OPCML: variants seen among roughly 807,000 people sequenced by gnomAD.
OPCML encodes opioid binding protein/cell adhesion molecule like.
In OPCML, 13 loss-of-function variants were observed where a neutral mutation model predicts 37.8. The ratio of observed to expected loss-of-function variants is 0.34; its 90% CI spans 0.22 to 0.55. OPCML has a LOEUF of 0.55. OPCML is among the 20% of genes least tolerant of loss of function. The pLI, the probability that OPCML is intolerant of heterozygous loss-of-function variation, is 0.91. For missense variants in OPCML, 341 were observed against 435.6 expected (o/e 0.78, Z 1.93); for synonymous variants, 176 against 168.8 (o/e 1.04, Z -0.33).
intron 4 of OPCML, among the ~76,000 whole-genome samples, chr11:132,496,597 T>C (rs907145777): frequency 2.6e-5 from 4 of 152,212 alleles, no homozygotes; most frequent in Admixed American, 2.6e-4. Flanking sequence ...CAAGGAGCTC[T>C]GAAATCTGAT....
chr11:132,471,791 C>T (rs1235036226), intron 4 of OPCML, among the ~76,000 whole-genome samples: 2 of 152,176 alleles, frequency 1.3e-5, no homozygotes, highest in South Asian at 2.1e-4. Context: ...AGGATAGCCA[C>T]GGACCTAGCT....
chr11:132,428,410 C>T (rs1414344118), intron 7 of OPCML, among the ~76,000 whole-genome samples: 1 of 152,206 alleles, frequency 6.6e-6, no homozygotes, highest in Non-Finnish European at 1.5e-5. Context: ...TATAGTGTTA[C>T]ATCTTCTAAG....
At chr11:133,221,106 T>C (rs1939799425) in intron 1 of OPCML, among the ~76,000 whole-genome samples, 2 of 152,236 alleles carry the variant, frequency 1.3e-5, no homozygotes, top group African/African-American at 4.8e-5. Context: ...GCTCTCTCTT[T>C]ATATGACACA....
intron 2 of OPCML, among the ~76,000 whole-genome samples, chr11:132,699,679 C>T (rs1238955737): frequency 1.3e-5 from 2 of 152,042 alleles, no homozygotes; most frequent in Non-Finnish European, 2.9e-5. Context: ...ACCATCCTTG[C>T]ATGTTAGGAA....
At chr11:133,238,857 C>A (rs1458794940) in intron 1 of OPCML, among the ~76,000 whole-genome samples, 1 of 152,212 alleles carries the variant, frequency 6.6e-6, no homozygotes, top group Non-Finnish European at 1.5e-5. Flanking sequence ...GATAATAGCC[C>A]ACTGTACTTC....
chr11:133,448,631 T>A (rs1195331333), intron 1 of OPCML, among the ~76,000 whole-genome samples: 1 of 152,196 alleles, frequency 6.6e-6, no homozygotes, highest in Non-Finnish European at 1.5e-5. Context: ...CTAATTATTA[T>A]ATTTTTAGTA....
intron 1 of OPCML, among the ~76,000 whole-genome samples, chr11:133,014,834 C>T (rs1947289940): frequency 6.6e-6 from 1 of 152,228 alleles, no homozygotes; most frequent in Non-Finnish European, 1.5e-5. Context: ...AGCCCTCTCT[C>T]TCTTCTCCAA....
At chr11:133,378,905 C>T (rs1314745283) in intron 1 of OPCML, among the ~76,000 whole-genome samples, 1 of 151,870 alleles carries the variant, frequency 6.6e-6, no homozygotes, top group African/African-American at 2.4e-5. Context: ...TCATGCCCAT[C>T]TAAATTTTTA....
rs190877558 is a variant in OPCML at position 132,447,163 on chromosome 11, C to T, written c.506-9804G>A. Among the ~76,000 whole-genome samples, 152 of 152,298 alleles carry T rather than the reference C, an allele frequency of 1.0e-3. 1 individual carries two copies. Among genetic ancestry groups the T allele is most frequent in the African/African-American group, 3.4e-3 (142 of 41,562 alleles). ...AAAACTTTCCTTCTAATGCCAACTG[C>T]GTCTGACTTGTTTTCCCTGAGGATT... On this transcript the variant is annotated intron_variant, in intron 4 of 7. Coordinates refer to ENST00000524381, the MANE Select transcript of OPCML (RefSeq NM_001012393.5).
chr11:132,995,001 G>C (rs1946855600), intron 1 of OPCML, among the ~76,000 whole-genome samples: 1 of 152,208 alleles, frequency 6.6e-6, no homozygotes, highest in Non-Finnish European at 1.5e-5. Context: ...CACATGGTTG[G>C]TAAATAGCTG....
At chr11:133,311,924 G>T (rs768937060) in intron 1 of OPCML, among the ~76,000 whole-genome samples, 36 of 152,092 alleles carry the variant, frequency 2.4e-4, no homozygotes, top group Non-Finnish European at 4.9e-4. Context: ...CAGAGTAGGG[G>T]AGATATGGAA....
rs1021330977 is a variant in OPCML at position 132,419,244 on chromosome 11, T to C, written c.*949A>G. On this transcript the variant is annotated 3_prime_UTR_variant, in exon 8 of 8. Transcript: ENST00000524381. The stretch of plus-strand genomic sequence containing the variant: ...TTGATAGTGAGTAGTAGGGAGAGAA[T>C]AGAAAGGAGTGTTAGACAATTACAT... The C allele has an allele frequency of 6.6e-6, 1 of 152,122 alleles. No individual in the cohort carries two copies. The highest frequency in any genetic ancestry group is 6.5e-5 in the Admixed American group (1 of 15,278). 9.4% of individuals were successfully genotyped at this position (152,122 alleles called of 1,614,324 possible). A position where few individuals can be genotyped will look rare whatever the true frequency, so the allele number is the denominator to read the frequency against.
rs1565469151 is a variant in OPCML, at chr11:133,141,041, ACG to A, written c.62-198033_62-198032del. Among the ~76,000 whole-genome samples the A allele has an allele frequency of 3.3e-4, 11 of 33,768 alleles. 2 individuals are homozygous for A. Among genetic ancestry groups the A allele is most frequent in the Non-Finnish European group, 3.8e-4 (4 of 10,588 alleles). 22.2% of individuals were successfully genotyped at this position (33,768 alleles called of 152,430 possible). On this transcript the variant is annotated intron_variant, in intron 1 of 7. Transcript: ENST00000524381. ...GACGACGACGACGACGACGACGACG[ACG>A]ACGACGAAGAAGAAGAAGAAGAAGA... is the stretch of plus-strand genomic sequence containing the variant.
At chr11:133,081,463 G>A (rs931781430) in intron 1 of OPCML, among the ~76,000 whole-genome samples, 15 of 152,182 alleles carry the variant, frequency 9.9e-5, no homozygotes, top group African/African-American at 3.6e-4. Context: ...AATATGTAAG[G>A]AATTCGCAAG....
At chr11:133,414,156 C>A (rs1023942022) in intron 1 of OPCML, among the ~76,000 whole-genome samples, 1 of 152,104 alleles carries the variant, frequency 6.6e-6, no homozygotes, top group Non-Finnish European at 1.5e-5. Context: ...TGGGCATGGG[C>A]GCTGGAACGA....
chr11:133,059,291 T>A (rs1168758669), intron 1 of OPCML, among the ~76,000 whole-genome samples: 3 of 152,226 alleles, frequency 2.0e-5, no homozygotes, highest in African/African-American at 4.8e-5. Context: ...GCGGATTCTT[T>A]CATCTGGTGG....
chr11:133,437,103 T>G (rs1471804488), intron 1 of OPCML, among the ~76,000 whole-genome samples: 1 of 152,240 alleles, frequency 6.6e-6, no homozygotes, highest in South Asian at 2.1e-4. Context: ...CTATCTAATT[T>G]ATACGACATC....
intron 2 of OPCML, among the ~76,000 whole-genome samples, chr11:132,702,472 T>C (rs1186488427): frequency 6.6e-6 from 1 of 152,234 alleles, no homozygotes; most frequent in African/African-American, 2.4e-5. Flanking sequence ...CACTTTTCTC[T>C]TGCTGCATTT....
intron 2 of OPCML, among the ~76,000 whole-genome samples, chr11:132,657,666 A>C (rs1941774555): frequency 6.6e-6 from 1 of 152,174 alleles, no homozygotes; most frequent in African/African-American, 2.4e-5. Context: ...GAAGTGGCCC[A>C]GGGGCACATG....
Sources: allele counts gnomAD v4.1 joint callset (sites outside exome capture counted in the v4.1 genomes callset), GRCh38; gene constraint gnomAD v4.1.1; transcripts MANE v1.5; gene names NCBI Gene and HGNC (gene_info 2026-07-23, HGNC 2026-07-21).